Variants in MBD5 observed in about 807,000 individuals in gnomAD.
MBD5 encodes the protein methyl-CpG binding domain protein 5, also known as methyl-CpG-binding domain protein 5.
A neutral mutation model predicts 117.3 loss-of-function variants in MBD5; 13 were observed. That is an observed-to-expected ratio of 0.11 (90% CI 0.07 to 0.18). The LOEUF is 0.18. Ranked by LOEUF, MBD5 falls within the 10% of genes least tolerant of loss-of-function variation. The pLI is 1.00. For synonymous variants in MBD5, 727 were observed against 766.4 expected (o/e 0.95, Z 0.85); for missense variants, 1,879 against 2,093.8 (o/e 0.90, Z 2.00).
intron 4 of MBD5, among the ~76,000 whole-genome samples, chr2:148,427,942 GGAT>G (rs1462737449): frequency 6.6e-6 from 1 of 152,076 alleles, no homozygotes; most frequent in African/African-American, 2.4e-5. Flanking sequence ...CACAAGACAA[GGAT>G]GCCCTCTCTC....
At chr2:148,481,304 C>T (rs1437180255) in intron 8 of MBD5, among the ~76,000 whole-genome samples, 1 of 151,992 alleles carries the variant, frequency 6.6e-6, no homozygotes, top group Non-Finnish European at 1.5e-5. Flanking sequence ...AAGGAAAAAT[C>T]CTTGTGTTAT....
chr2:148,362,066 G>A (rs180678487), intron 4 of MBD5, among the ~76,000 whole-genome samples: 9 of 152,270 alleles, frequency 5.9e-5, no homozygotes, highest in Non-Finnish European at 1.2e-4. Context: ...GTGGCCATTT[G>A]GGCAAACACC....
In MBD5 at chr2:148,490,126, G is replaced by C; in HGVS notation, c.4494G>C (p.Arg1498Ser). 1 of 1,613,922 alleles carries C rather than the reference G, an allele frequency of 6.2e-7. No individual in the cohort carries two copies. Among genetic ancestry groups the C allele is most frequent in the South Asian group, 1.1e-5 (1 of 91,042 alleles). ...ATAAAATTCTAGAGGAAAATTTCAG[G>C]TATAATAACTACAAAAGAACTATGA... ...PGDKILEENF[R>S]YNNYKRTMMS... Residue 1498 changes from arginine to serine, a missense_variant, in exon 11 of 14, where the codon AGG becomes AGC. Coordinates refer to ENST00000642680, the MANE Select transcript of MBD5 (RefSeq NM_001378120.1).
At chr2:148,080,897 T>A (rs1032353322) in intron 1 of MBD5, among the ~76,000 whole-genome samples, 1 of 152,164 alleles carries the variant, frequency 6.6e-6, no homozygotes, top group African/African-American at 2.4e-5. Flanking sequence ...AGATTCTGAT[T>A]TTTCTGTAAT....
At chr2:148,263,887 A>G (rs1308402736) in intron 3 of MBD5, among the ~76,000 whole-genome samples, 1 of 152,186 alleles carries the variant, frequency 6.6e-6, no homozygotes, top group Admixed American at 6.5e-5. Flanking sequence ...AGTCTGGCCA[A>G]AAGCCATCTT....
intron 1 of MBD5, among the ~76,000 whole-genome samples, chr2:148,030,726 G>T (rs1415489875): frequency 1.3e-5 from 2 of 152,132 alleles, no homozygotes; most frequent in Non-Finnish European, 2.9e-5. Context: ...TTCATGTAAT[G>T]ATTTTTGATG....
rs546859373 is a variant in MBD5 at position 148,507,759 on chromosome 2, CAA to C, written c.5037-2284_5037-2283del. ...TGGGCGACAGAGCAAGACTCCGTCT[CAA>C]AAAAAAAAAAAAAAAATTCTTGGCA... On this transcript the variant is annotated intron_variant, in intron 12 of 13. Coordinates refer to ENST00000642680, the MANE Select transcript of MBD5 (RefSeq NM_001378120.1). Among the ~76,000 whole-genome samples, 147 of 67,648 alleles carry C rather than the reference CAA, an allele frequency of 2.2e-3. 1 individual carries two copies. The highest frequency in any genetic ancestry group is 5.9e-3 in the African/African-American group (117 of 19,890). The allele number at this position is 67,648 out of a possible 152,430, so 44.4% of individuals were successfully genotyped here.
At chr2:148,396,725 T>A (rs567147448) in intron 4 of MBD5, among the ~76,000 whole-genome samples, 1 of 152,066 alleles carries the variant, frequency 6.6e-6, no homozygotes, top group South Asian at 2.1e-4. Context: ...GATCAGAAGG[T>A]GGGAAGTGAG....
intron 3 of MBD5, among the ~76,000 whole-genome samples, chr2:148,242,369 T>TAC (rs1234887400): frequency 1.0e-3 from 122 of 116,944 alleles, no homozygotes; most frequent in African/African-American, 2.5e-3. Context: ...ATTTCTATAT[T>TAC]ACACACACAT....
intron 1 of MBD5, among the ~76,000 whole-genome samples, chr2:148,114,871 C>T (rs889026041): frequency 1.3e-5 from 2 of 151,182 alleles, no homozygotes; most frequent in Admixed American, 6.6e-5. Context: ...ATTCTAATAA[C>T]GAAAATAATG....
intron 3 of MBD5, among the ~76,000 whole-genome samples, chr2:148,316,741 T>C (rs1702166441): frequency 6.6e-6 from 1 of 152,128 alleles, no homozygotes; most frequent in Non-Finnish European, 1.5e-5. Flanking sequence ...TGATGGTTAA[T>C]AATAAAAATA....
chr2:148,075,728 A>C (rs1045825647), intron 1 of MBD5, among the ~76,000 whole-genome samples: 1 of 151,890 alleles, frequency 6.6e-6, no homozygotes, highest in African/African-American at 2.4e-5. Flanking sequence ...GTGTTTCTGA[A>C]TCTATAGGCG....
chr2:148,074,715 G>T (rs1695458977), intron 1 of MBD5, among the ~76,000 whole-genome samples: 1 of 151,916 alleles, frequency 6.6e-6, no homozygotes. Context: ...TCTTGGCCAG[G>T]CTGGTCTTGA....
chr2:148,393,852 A>G (rs1449499218), intron 4 of MBD5, among the ~76,000 whole-genome samples: 1 of 152,220 alleles, frequency 6.6e-6, no homozygotes, highest in Non-Finnish European at 1.5e-5. Flanking sequence ...GATTAGTAGC[A>G]GTGACACAAT....
intron 2 of MBD5, among the ~76,000 whole-genome samples, chr2:148,226,956 G>A (rs1028253648): frequency 1.3e-5 from 2 of 152,030 alleles, no homozygotes; most frequent in Non-Finnish European, 2.9e-5. Context: ...TTTTTGATGG[G>A]GTTGTTTGTT....
intron 8 of MBD5, chr2:148,472,520 G>T (rs926807416): frequency 2.6e-5 from 4 of 152,222 alleles, no homozygotes; most frequent in South Asian, 4.1e-4. Context: ...CTCTTTCGAT[G>T]AGCTAAATAT....
chr2:148,283,003 T>C lies in MBD5; in HGVS notation c.-680+49608T>C, dbSNP rs149520321. Among the ~76,000 whole-genome samples the C allele has an allele frequency of 2.2e-3, 336 of 151,608 alleles. 3 individuals carry two copies. Among genetic ancestry groups the C allele is most frequent in the Admixed American group, 9.6e-3 (146 of 15,166 alleles). On this transcript the variant is annotated intron_variant, in intron 3 of 13. Coordinates refer to ENST00000642680, the MANE Select transcript of MBD5 (RefSeq NM_001378120.1). ...AAAGCTGTATAGTACTGAAAAATCA[T>C]TTGGGCTCAAAATCAGAAGATCTAG...
intron 1 of MBD5, among the ~76,000 whole-genome samples, chr2:148,056,889 A>C (rs796970164): frequency 6.6e-6 from 1 of 151,570 alleles, no homozygotes. Flanking sequence ...TTAACTTTTG[A>C]TGTAATTTTT....
At chr2:148,227,389 G>T (rs922024173) in intron 2 of MBD5, among the ~76,000 whole-genome samples, 1 of 152,186 alleles carries the variant, frequency 6.6e-6, no homozygotes, top group Non-Finnish European at 1.5e-5. Flanking sequence ...CCCATTGCTT[G>T]TTTTTCTCAG....
Sources: gnomAD v4.1 joint callset for allele counts (sites outside exome capture counted in the v4.1 genomes callset) on GRCh38, gnomAD v4.1.1 for gene constraint, MANE v1.5 for transcripts, NCBI Gene and HGNC (gene_info 2026-07-23, HGNC 2026-07-21) for gene names.